FAM107B: variants seen among roughly 807,000 people sequenced by gnomAD.
FAM107B encodes the protein protein FAM107B.
Under a neutral mutation model 31.5 loss-of-function variants are expected in FAM107B, and 21 were observed. The ratio of observed to expected loss-of-function variants is 0.67; its 90% confidence interval spans 0.47 to 0.96. The LOEUF (loss-of-function observed/expected upper bound fraction) is 0.96. FAM107B is among the 40% of genes least tolerant of loss of function. The pLI is 0.00. For missense variants in FAM107B, 452 were observed against 377.1 expected, an observed-to-expected ratio of 1.20 and a Z score of -1.64; for synonymous variants, 157 against 141.5, an observed-to-expected ratio of 1.11 and a Z score of -0.78.
chr10:14,671,524 C>T (rs1854541610), intron 1 of FAM107B, among the ~76,000 whole-genome samples: 1 of 152,134 alleles, frequency 6.6e-6, no homozygotes, highest in South Asian at 2.1e-4. Context: ...AGTGGGCAGG[C>T]TGGTTGGAGG....
intron 3 of FAM107B, among the ~76,000 whole-genome samples, chr10:14,529,111 A>C (rs1288641804): frequency 1.3e-5 from 2 of 152,218 alleles, no homozygotes; most frequent in African/African-American, 4.8e-5. Context: ...ACCAAAATGA[A>C]GACATGATTT....
At chr10:14,552,109 C>G (rs941887623) in intron 2 of FAM107B, among the ~76,000 whole-genome samples, 2 of 152,194 alleles carry the variant, frequency 1.3e-5, no homozygotes, top group Non-Finnish European at 2.9e-5. Context: ...AAAGGACGGT[C>G]TGTGTGATCA....
chr10:14,565,496 A>C (rs2131209494), intron 2 of FAM107B, among the ~76,000 whole-genome samples: 1 of 152,314 alleles, frequency 6.6e-6, no homozygotes, highest in East Asian at 1.9e-4. Flanking sequence ...GCTGAAATAG[A>C]GGACACTGAG....
intron 3 of FAM107B, chr10:14,528,098 G>A (rs1196588503): frequency 1.2e-5 from 4 of 328,832 alleles, no homozygotes; most frequent in Non-Finnish European, 5.9e-6. Context: ...CATAGGAAGT[G>A]GAAGATAGAT....
At chr10:14,564,190 C>A (rs1049865467) in intron 2 of FAM107B, among the ~76,000 whole-genome samples, 22 of 152,192 alleles carry the variant, frequency 1.4e-4, no homozygotes, top group Non-Finnish European at 3.1e-4. Flanking sequence ...AAGATTGAGA[C>A]CCAGCAGGTA....
intron 2 of FAM107B, among the ~76,000 whole-genome samples, chr10:14,626,196 C>T (rs892149933): frequency 2.0e-5 from 3 of 152,134 alleles, no homozygotes; most frequent in Non-Finnish European, 2.9e-5. Context: ...GCCCCTGGGT[C>T]GCCTGGGATT....
At chr10:14,762,083 G>T (rs928694110) in intron 1 of FAM107B, among the ~76,000 whole-genome samples, 12 of 152,132 alleles carry the variant, frequency 7.9e-5, no homozygotes, top group African/African-American at 2.7e-4. Flanking sequence ...TGCACCTGGA[G>T]TGGTTCCATG....
chr10:14,733,556 C>A (rs908132531), intron 1 of FAM107B, among the ~76,000 whole-genome samples: 1 of 152,170 alleles, frequency 6.6e-6, no homozygotes, highest in African/African-American at 2.4e-5. Flanking sequence ...AATGATATAT[C>A]ATGGGGCTTT....
intron 1 of FAM107B, among the ~76,000 whole-genome samples, chr10:14,688,558 C>G (rs1855046568): frequency 6.6e-6 from 1 of 152,194 alleles, no homozygotes; most frequent in Non-Finnish European, 1.5e-5. Flanking sequence ...TTCAATTGTT[C>G]AGCCTTCCCA....
chr10:14,758,588 C>G (rs11259311), intron 1 of FAM107B, among the ~76,000 whole-genome samples: 1 of 152,162 alleles, frequency 6.6e-6, no homozygotes, highest in African/African-American at 2.4e-5. Context: ...CAGGGCCTGA[C>G]AGCCTCTGCA....
chr10:14,755,671 C>T (rs915104228), intron 1 of FAM107B, among the ~76,000 whole-genome samples: 1 of 152,092 alleles, frequency 6.6e-6, no homozygotes, highest in African/African-American at 2.4e-5. Flanking sequence ...CTCCAGAGAA[C>T]ACCTTTTCAC....
chr10:14,648,012 A>G lies in FAM107B; in HGVS notation c.469+19622T>C, dbSNP rs550700346. Among the ~76,000 whole-genome samples the G allele has an allele frequency of 1.7e-3, 254 of 152,176 alleles. 1 individual carries two copies. The highest frequency in any genetic ancestry group is 6.8e-3 in the Middle Eastern group (2 of 294). ...ATCCATTTTTAGCGGAAAAAAAAAAAGGCGATATAAAACATTTTCTTAAGA... is the reference window on the plus strand; with the variant it reads ...ATCCATTTTTAGCGGAAAAAAAAAAGGGCGATATAAAACATTTTCTTAAGA... On this transcript the variant is annotated intron_variant, in intron 2 of 4. Transcript: ENST00000181796.
At chr10:14,731,428 G>C (rs897377832) in intron 1 of FAM107B, among the ~76,000 whole-genome samples, 1 of 152,120 alleles carries the variant, frequency 6.6e-6, no homozygotes, top group Non-Finnish European at 1.5e-5. Flanking sequence ...CAGGCATGGT[G>C]GTGGGTGCCT....
chr10:14,675,883 T>A (rs1854670388), intron 1 of FAM107B, among the ~76,000 whole-genome samples: 1 of 152,116 alleles, frequency 6.6e-6, no homozygotes, highest in Admixed American at 6.5e-5. Flanking sequence ...AGCAGCCCGG[T>A]GCAGTGAATC....
In FAM107B at chr10:14,774,250, C is replaced by T. The variant is rs1221783614; in HGVS notation, c.411+3G>A. Reference sequence around the variant, plus strand: ...TATAATCGCAGAGCGAACACTCACTCACCTTGGGCGTGTCAATAATTGATG... The same window carrying T: ...TATAATCGCAGAGCGAACACTCACTTACCTTGGGCGTGTCAATAATTGATG... On this transcript the variant is annotated splice_donor_region_variant and intron_variant, in intron 1 of 4. Coordinates refer to ENST00000181796, the MANE Select transcript of FAM107B (RefSeq NM_031453.4). 1.2e-6 allele frequency: 2 copies of T among 1,601,804 alleles called. No homozygotes were observed. The highest frequency in any genetic ancestry group is 1.3e-5 in the African/African-American group (1 of 74,878).
At chr10:14,769,386 T>A (rs148466730) in intron 1 of FAM107B, among the ~76,000 whole-genome samples, 1,747 of 146,542 alleles carry the variant, frequency 0.012, 11 homozygotes, top group Non-Finnish European at 0.02. Flanking sequence ...GACATTTTTG[T>A]TTTTCTTTTC....
intron 2 of FAM107B, among the ~76,000 whole-genome samples, chr10:14,567,156 TTAAA>T (rs966253157): frequency 3.9e-5 from 6 of 151,936 alleles, no homozygotes; most frequent in African/African-American, 1.2e-4. Context: ...CTGTCTCAAA[TTAAA>T]TAAATAAATA....
At position 14,652,121 on chromosome 10, in the gene FAM107B, C is replaced by A. The variant is rs1319188593; in HGVS notation, c.469+15513G>T. ...ACATAATGTTTTGATGGAGTGAAGT[C>A]AGATCTAAAACATAGATATTCAACT... On this transcript the variant is annotated intron_variant, in intron 2 of 4. Coordinates refer to ENST00000181796, the MANE Select transcript of FAM107B (RefSeq NM_031453.4). Among the ~76,000 whole-genome samples, 3 of 149,208 alleles carry A rather than the reference C, an allele frequency of 2.0e-5. No homozygotes were observed. The Admixed American group carries it at 2.0e-4, about 10-fold the overall frequency.
At chr10:14,611,487 TATATATATATATATATATA>T (rs1564599688) in intron 2 of FAM107B, among the ~76,000 whole-genome samples, 4 of 5,818 alleles carry the variant, frequency 6.9e-4, no homozygotes, top group African/African-American at 9.4e-4. Context: ...GCCAGTTTTA[TATATATATATATATATATA>T]TATATATATA....
Sources: allele counts gnomAD v4.1 joint callset (sites outside exome capture counted in the v4.1 genomes callset), GRCh38; gene constraint gnomAD v4.1.1; transcripts MANE v1.5; gene names NCBI Gene and HGNC (gene_info 2026-07-23, HGNC 2026-07-21).